Variants in ARRB1 observed in about 807,000 individuals in gnomAD.
ARRB1 encodes the protein beta-arrestin-1.
Under a neutral mutation model 56.8 loss-of-function variants are expected in ARRB1, and 21 were observed. That is an observed-to-expected ratio of 0.37 (90% CI 0.26 to 0.53). The LOEUF (loss-of-function observed/expected upper bound fraction) is 0.53, where lower values mean the gene tolerates loss of function less well. ARRB1 is among the 20% of genes least tolerant of loss of function. The pLI is 0.88. For missense variants in ARRB1, 424 were observed against 553.7 expected (o/e 0.77, Z 2.35); for synonymous variants, 210 against 218.6 (o/e 0.96, Z 0.35).
chr11:75,336,856 A>AT (rs1455661622), intron 1 of ARRB1, among the ~76,000 whole-genome samples: 2 of 152,182 alleles, frequency 1.3e-5, no homozygotes, highest in Non-Finnish European at 2.9e-5. Context: ...CGTGGTATGC[A>AT]TAAGAAAACT....
At chr11:75,323,941 C>T (rs533498126) in intron 1 of ARRB1, among the ~76,000 whole-genome samples, 3 of 151,982 alleles carry the variant, frequency 2.0e-5, no homozygotes, top group South Asian at 2.1e-4. Flanking sequence ...CGAGATACTA[C>T]GAGTTAATAG....
intron 1 of ARRB1, among the ~76,000 whole-genome samples, chr11:75,302,513 C>T (rs182448176): frequency 1.2e-3 from 178 of 152,340 alleles, no homozygotes; most frequent in Non-Finnish European, 1.5e-3. Flanking sequence ...TGCGCCTGAG[C>T]GCTGCCCAGC....
Position 75,265,977 on chromosome 11 carries a change from T to C in ARRB1, c.*186A>G. The C allele has an allele frequency of 1.7e-6, 1 of 600,184 alleles. No individual in the cohort carries two copies. The highest frequency in any genetic ancestry group is 3.0e-6 in the Non-Finnish European group (1 of 334,906). The allele number at this position is 600,184 out of a possible 1,614,324, so 37.2% of individuals were successfully genotyped here. A position where few individuals can be genotyped will look rare whatever the true frequency, so the allele number is the denominator to read the frequency against. ...GTGGAGCCAGTGCGCTGTGGTCCTG[T>C]TGGCGTGGTGATGTGGGGCCAATCC... On this transcript the variant is annotated 3_prime_UTR_variant, in exon 16 of 16. Coordinates refer to ENST00000420843, the MANE Select transcript of ARRB1 (RefSeq NM_004041.5).
At chr11:75,297,515 A>G (rs1946780224) in intron 1 of ARRB1, among the ~76,000 whole-genome samples, 1 of 152,120 alleles carries the variant, frequency 6.6e-6, no homozygotes, top group South Asian at 2.1e-4. Context: ...GGACAACTGG[A>G]TAGTCGCACA....
rs181310549 is a variant in ARRB1, at chr11:75,316,712, G to A, written c.21-26673C>T. 6.4e-3 allele frequency among the ~76,000 whole-genome samples: 974 copies of A among 152,092 alleles called. 4 individuals carry two copies. Among genetic ancestry groups the A allele is most frequent in the Non-Finnish European group, 0.01 (700 of 67,990 alleles). On this transcript the variant is annotated intron_variant, in intron 1 of 15. Coordinates refer to ENST00000420843, the MANE Select transcript of ARRB1 (RefSeq NM_004041.5). ...CAGGAGAATCATTTAAGGACAGGAG[G>A]TCAAGACCAGCCTAGGCAAGACAGT...
At chr11:75,333,254 G>T (rs1947548380) in intron 1 of ARRB1, among the ~76,000 whole-genome samples, 2 of 152,248 alleles carry the variant, frequency 1.3e-5, no homozygotes, top group Non-Finnish European at 2.9e-5. Flanking sequence ...ACAGTTGTGG[G>T]TGGCCATTCA....
In ARRB1 at chr11:75,287,620, C is replaced by T. The variant is rs1282140112; in HGVS notation, c.52-245G>A. On this transcript the variant is annotated intron_variant, in intron 2 of 15. Transcript: ENST00000420843. Reference sequence around the variant, plus strand: ...AGGAGTCATTATTGTTCCTGTTTTACAGATGAGGACACTGAGGCCCGGAGA... The same window carrying T: ...AGGAGTCATTATTGTTCCTGTTTTATAGATGAGGACACTGAGGCCCGGAGA... 5.3e-5 allele frequency among the ~76,000 whole-genome samples: 8 copies of T among 152,354 alleles called. No individual in the cohort carries two copies. The East Asian group carries it at 1.2e-3, about 22-fold the overall frequency.
chr11:75,346,180 C>T (rs745657650), intron 1 of ARRB1, among the ~76,000 whole-genome samples: 1 of 152,120 alleles, frequency 6.6e-6, no homozygotes, highest in Non-Finnish European at 1.5e-5. Flanking sequence ...TTACTCCTGC[C>T]TAAGTCTTTC....
In ARRB1 at chr11:75,277,433, C is replaced by A. The variant is rs1946225229; in HGVS notation, c.634G>T (p.Glu212Ter). Residue 212 changes from glutamate (E) to a stop codon, truncating the protein, a stop_gained, in exon 9 of 16, where the codon GAA (glutamate) becomes TAA (stop). Coordinates refer to ENST00000420843, the MANE Select transcript of ARRB1 (RefSeq NM_004041.5). LOFTEE classifies it high-confidence loss of function. The part of the protein sequence containing the change: ...SLDKEIYYHG[E>*]PISVNVHVTN... Reference sequence around the variant, plus strand: ...ACGTGGACGTTGACGCTGATGGGTTCTCCATGGTAATAGATCTGGGGGGCA... The same window carrying A: ...ACGTGGACGTTGACGCTGATGGGTTATCCATGGTAATAGATCTGGGGGGCA... 1.9e-6 allele frequency: 3 copies of A among 1,614,010 alleles called. No individual in the cohort carries two copies. Among genetic ancestry groups the A allele is most frequent in the Non-Finnish European group, 2.5e-6 (3 of 1,180,012 alleles).
chr11:75,298,242 TA>T (rs34770388), intron 1 of ARRB1, among the ~76,000 whole-genome samples: 48,486 of 135,352 alleles, frequency 0.36, 8,815 homozygotes, highest in Non-Finnish European at 0.43. Flanking sequence ...AAAGTATAAT[TA>T]AAAAAAAAAA....
intron 5 of ARRB1, 192 bp from the exon 6 acceptor site, chr11:75,282,213 G>C (rs1040873425): frequency 3.5e-6 from 2 of 575,280 alleles, no homozygotes; most frequent in Non-Finnish European, 6.2e-6. Flanking sequence ...TTTATCTAAA[G>C]GGTTTGGCCC....
chr11:75,287,475 A>G, intron 2 of ARRB1, 100 bp from the exon 3 acceptor site: 1 of 1,216,510 alleles, frequency 8.2e-7, no homozygotes, highest in Non-Finnish European at 1.2e-6. Flanking sequence ...GAAACTCCAG[A>G]CCCATCCCTA....
intron 14 of ARRB1, 70 bp from the exon 15 acceptor site, chr11:75,267,773 A>G (rs1191409994): frequency 2.2e-6 from 3 of 1,366,674 alleles, no homozygotes; most frequent in Admixed American, 1.8e-5. Flanking sequence ...GAGTAAGCAC[A>G]GGCCCCCACC....
At chr11:75,310,040 G>A (rs1332288108) in intron 1 of ARRB1, among the ~76,000 whole-genome samples, 1 of 152,156 alleles carries the variant, frequency 6.6e-6, no homozygotes, top group African/African-American at 2.4e-5. Context: ...AACCTATCTG[G>A]AGTGACCTTC....
intron 1 of ARRB1, among the ~76,000 whole-genome samples, chr11:75,343,461 G>A (rs1013431324): frequency 2.0e-5 from 3 of 152,278 alleles, no homozygotes; most frequent in East Asian, 3.9e-4. Flanking sequence ...AGGCAGGGCC[G>A]GTGAGACGTC....
Position 75,264,462 on chromosome 11 carries a change from A to C in ARRB1, c.*1701T>G, listed in dbSNP as rs1270434689. The C allele has an allele frequency of 3.3e-5, 5 of 152,272 alleles. No homozygotes were observed. The highest frequency in any genetic ancestry group is 1.3e-4 in the Admixed American group (2 of 15,280). 9.4% of individuals were successfully genotyped at this position (152,272 alleles called of 1,614,324 possible). ...GCTGTGAGGTACTGCAAGCCCTATC[A>C]TAAGCCCCTCAGCCAAGCCTCAGCA... is the stretch of plus-strand genomic sequence containing the variant. On this transcript the variant is annotated 3_prime_UTR_variant, in exon 16 of 16. Coordinates refer to ENST00000420843, the MANE Select transcript of ARRB1 (RefSeq NM_004041.5).
intron 12 of ARRB1, among the ~76,000 whole-genome samples, chr11:75,272,396 G>A (rs1946091585): frequency 6.6e-6 from 1 of 152,180 alleles, no homozygotes; most frequent in Admixed American, 6.5e-5. Flanking sequence ...GCAATGTTTG[G>A]GGCACTGTCT....
intron 1 of ARRB1, among the ~76,000 whole-genome samples, chr11:75,311,879 A>G (rs1165684645): frequency 6.6e-6 from 1 of 152,124 alleles, no homozygotes; most frequent in Non-Finnish European, 1.5e-5. Flanking sequence ...TCTCATCCCC[A>G]GCATACACAC....
chr11:75,332,242 GT>G (rs1056982536), intron 1 of ARRB1, among the ~76,000 whole-genome samples: 2 of 152,204 alleles, frequency 1.3e-5, no homozygotes, highest in African/African-American at 4.8e-5. Flanking sequence ...AGGGATGTGT[GT>G]GACAATTGCG....
Sources: allele counts gnomAD v4.1 joint callset (sites outside exome capture counted in the v4.1 genomes callset), GRCh38; gene constraint gnomAD v4.1.1; transcripts MANE v1.5; gene names NCBI Gene and HGNC (gene_info 2026-07-23, HGNC 2026-07-21).